CEP250: variants seen among roughly 807,000 people sequenced by gnomAD.
The protein encoded by CEP250 is centrosomal protein 250, also known as centrosome-associated protein CEP250.
Under a neutral mutation model 315.7 loss-of-function variants are expected in CEP250, and 242 were observed. That is an observed-to-expected ratio of 0.77 (90% CI 0.69 to 0.85). The LOEUF (loss-of-function observed/expected upper bound fraction) is 0.85. Ranked by LOEUF, CEP250 falls within the 40% of genes least tolerant of loss-of-function variation. The pLI, the probability that CEP250 is intolerant of heterozygous loss-of-function variation, is 0.00. For synonymous variants in CEP250, 1,088 were observed against 1,175.0 expected (o/e 0.93, Z 1.51); for missense variants, 2,515 against 2,886.4 (o/e 0.87, Z 2.95).
intron 26 of CEP250, 86 bp downstream of exon 26, chr20:35,498,153 G>A (rs924287305): frequency 3.0e-6 from 3 of 994,682 alleles, no homozygotes; most frequent in Non-Finnish European, 4.3e-6. Context: ...CTATTTGTTA[G>A]ACCATATTGC....
At position 35,503,433 on chromosome 20, in the gene CEP250, C is replaced by T. The variant is rs981470340; in HGVS notation, c.5064C>T (p.Ile1688=). Residue 1688 remains isoleucine, a synonymous_variant, in exon 30 of 35, where the codon ATC becomes ATT. Coordinates refer to ENST00000397527, the MANE Select transcript of CEP250 (RefSeq NM_007186.6). The surrounding 1 kb of genome is among the most constrained non-coding windows in gnomAD (Gnocchi z 4.2). The stretch of plus-strand genomic sequence containing the variant: ...TCCTGGAGGAGGACCTGGAACAGAT[C>T]AAGCTGTCCTTGAGAGAGCGAGGCC... The part of the protein sequence containing the change: ...TKILEEDLEQ[I]KLSLRERGRE... 9 of 1,614,018 alleles carry T rather than the reference C, an allele frequency of 5.6e-6. No individual in the cohort carries two copies. The highest frequency in any genetic ancestry group is 7.6e-6 in the Non-Finnish European group (9 of 1,180,038).
chr20:35,472,426 T>C (rs2063047934), intron 11 of CEP250, among the ~76,000 whole-genome samples: 1 of 152,218 alleles, frequency 6.6e-6, no homozygotes, highest in Non-Finnish European at 1.5e-5. Context: ...AATCGTTTCT[T>C]CTTTCATTTC....
At chr20:35,501,616 T>C (rs747512873) in intron 28 of CEP250, among the ~76,000 whole-genome samples, 8 of 152,056 alleles carry the variant, frequency 5.3e-5, no homozygotes, top group Non-Finnish European at 8.8e-5. Flanking sequence ...TACCAGGCAG[T>C]GCTGGGGCTG....
chr20:35,494,771 T>G (rs2063791320), intron 24 of CEP250, 114 bp downstream of exon 24: 3 of 1,191,272 alleles, frequency 2.5e-6, no homozygotes, highest in Non-Finnish European at 3.6e-6. Context: ...AACTCTGGGA[T>G]GTACATGTAG....
Position 35,465,830 on chromosome 20 carries a change from T to C in CEP250, c.326+5T>C. 6.2e-7 allele frequency: 1 copy of C among 1,604,012 alleles called. No individual in the cohort carries two copies. Among genetic ancestry groups the C allele is most frequent in the Non-Finnish European group, 8.5e-7 (1 of 1,175,970 alleles). On this transcript the variant is annotated splice_donor_5th_base_variant and intron_variant, in intron 6 of 34. Coordinates refer to ENST00000397527, the MANE Select transcript of CEP250 (RefSeq NM_007186.6). ...ATTGGAGGAGGAGCAACAGAGGTGA[T>C]GGACCCCAAACTTTCTGACCTGGGT...
At chr20:35,467,179 G>GGGGGGGGGGCCCCCCCCC in intron 8 of CEP250, 107 bp downstream of exon 8, 2 of 534,760 alleles carry the variant, frequency 3.7e-6, no homozygotes, top group Admixed American at 2.3e-5. Flanking sequence ...GGTGGGTGGG[G>GGGGGGGGGGCCCCCCCCC]GAGTTGGTAG....
At chr20:35,493,713 GA>G (rs1389399102) in intron 23 of CEP250, 141 bp downstream of exon 23, 3 of 577,266 alleles carry the variant, frequency 5.2e-6, no homozygotes, top group Middle Eastern at 5.0e-4. Flanking sequence ...GTACTGAGTG[GA>G]AAATTAGAGG....
At chr20:35,492,640 G>C (rs951703459) in intron 22 of CEP250, among the ~76,000 whole-genome samples, 1 of 152,232 alleles carries the variant, frequency 6.6e-6, no homozygotes, top group Non-Finnish European at 1.5e-5. Context: ...ACTCAGGGGC[G>C]AGTGGAGCGG....
At chr20:35,470,771 GTT>G (rs2063006363) in intron 10 of CEP250, among the ~76,000 whole-genome samples, 1 of 152,042 alleles carries the variant, frequency 6.6e-6, no homozygotes, top group African/African-American at 2.4e-5. Context: ...AGAAAAGAGA[GTT>G]TACATATTTA....
intron 15 of CEP250, 45 bp from the exon 16 acceptor site, chr20:35,476,404 G>C (rs754795713): frequency 6.3e-7 from 1 of 1,587,524 alleles, no homozygotes; most frequent in African/African-American, 1.3e-5. Context: ...TACTGTTCCA[G>C]GAAAATTGGA....
At chr20:35,493,710 G>C (rs764017219) in intron 23 of CEP250, 138 bp downstream of exon 23, 3 of 627,966 alleles carry the variant, frequency 4.8e-6, no homozygotes, top group African/African-American at 1.9e-5. Context: ...ACAGTACTGA[G>C]TGGAAAATTA....
chr20:35,463,371 C>A (rs2062801934), intron 4 of CEP250, among the ~76,000 whole-genome samples: 1 of 152,202 alleles, frequency 6.6e-6, no homozygotes. Context: ...CCACTGCACT[C>A]CAGCCTGGGA....
chr20:35,474,674 TC>T, intron 14 of CEP250: 2 of 413,258 alleles, frequency 4.8e-6, no homozygotes, highest in South Asian at 3.6e-5. Flanking sequence ...ATCTGTAAAT[TC>T]CCCTATATGA....
intron 30 of CEP250, among the ~76,000 whole-genome samples, chr20:35,505,457 A>C (rs981144047): frequency 1.9e-4 from 29 of 152,302 alleles, no homozygotes; most frequent in Non-Finnish European, 2.6e-4. Context: ...GTTCGAGACC[A>C]GTCTGGCCAA....
rs556015303 is a variant in CEP250 at position 35,499,893 on chromosome 20, A to C, written c.3778-156A>C. Reference sequence around the variant, plus strand: ...AGCCTGTCATCACTTCAGGAAGCTAAATACACATGTGTTTAAAGGAAGTAA... The same window carrying C: ...AGCCTGTCATCACTTCAGGAAGCTACATACACATGTGTTTAAAGGAAGTAA... On this transcript the variant is annotated intron_variant, in intron 27 of 34. Transcript: ENST00000397527. Among the ~76,000 whole-genome samples, 6 of 152,316 alleles carry C rather than the reference A, an allele frequency of 3.9e-5. No individual in the cohort carries two copies. The South Asian group carries it at 1.2e-3, about 32-fold the overall frequency.
intron 24 of CEP250, among the ~76,000 whole-genome samples, chr20:35,495,381 G>A (rs1351343293): frequency 6.6e-6 from 1 of 152,176 alleles, no homozygotes; most frequent in African/African-American, 2.4e-5. Flanking sequence ...GTATTTGAAG[G>A]GATTGTAATG....
rs2064106280 is a variant in CEP250, at chr20:35,504,064, C to T, written c.5695C>T (p.Gln1899Ter). Residue 1899 changes from glutamine to a stop codon, truncating the protein, a stop_gained, in exon 30 of 35, where the codon CAG becomes TAG. Transcript: ENST00000397527. LOFTEE classifies it high-confidence loss of function. ...AGACCTAAGGGCTGAGTCTCGGGAA[C>T]AGGAGAAAGCTCTGTTGGCCCTCCA... ...LGDLRAESRE[Q>*]EKALLALQQQ... 6.2e-7 allele frequency: 1 copy of T among 1,606,230 alleles called. No individual in the cohort carries two copies. The highest frequency in any genetic ancestry group is 8.5e-7 in the Non-Finnish European group (1 of 1,175,422).
At chr20:35,477,825 C>A in intron 16 of CEP250, 46 bp from the exon 17 acceptor site, 2 of 1,444,734 alleles carry the variant, frequency 1.4e-6, no homozygotes, top group Non-Finnish European at 1.9e-6. Flanking sequence ...CCTAAACTAA[C>A]CATTTGTCTT....
chr20:35,479,744 C>T lies in CEP250; in HGVS notation c.2387C>T (p.Thr796Ile). ...TKGQLEVQIQ[T>I]VTQAKEVIQG... ...GGGCAGCTGGAGGTCCAGATTCAAA[C>T]TGTCACTCAAGCCAAGGAAGTAATC... Residue 796 changes from threonine to isoleucine, a missense_variant, in exon 19 of 35, where the codon ACT becomes ATT. Physicochemically the swap from Thr to Ile is moderately conservative, Grantham distance 89 (BLOSUM62 -1). Coordinates refer to ENST00000397527, the MANE Select transcript of CEP250 (RefSeq NM_007186.6). The T allele has an allele frequency of 6.2e-7, 1 of 1,614,204 alleles. No individual in the cohort carries two copies. Among genetic ancestry groups the T allele is most frequent in the Non-Finnish European group, 8.5e-7 (1 of 1,180,050 alleles).
Sources: allele counts gnomAD v4.1 joint callset (sites outside exome capture counted in the v4.1 genomes callset), GRCh38; gene constraint gnomAD v4.1.1; non-coding constraint Gnocchi (gnomAD v3.1); transcripts MANE v1.5; gene names NCBI Gene and HGNC (gene_info 2026-07-23, HGNC 2026-07-21).